The following IFT140 variants were observed in gnomAD, a reference collection of about 807,000 sequenced individuals.
IFT140 encodes the protein intraflagellar transport 140, also known as intraflagellar transport protein 140 homolog.
IFT140 carries 133 observed loss-of-function variants against 164.6 expected under a neutral mutation model. The ratio of observed to expected loss-of-function variants is 0.81; its 90% CI spans 0.70 to 0.93. The LOEUF (loss-of-function observed/expected upper bound fraction) is 0.93. IFT140 is among the 40% of genes least tolerant of loss of function. IFT140 has a pLI of 0.00. For synonymous variants in IFT140, 860 were observed against 817.3 expected (o/e 1.05, Z -0.89); for missense variants, 2,045 against 1,972.3 (o/e 1.04, Z -0.70).
At chr16:1,578,578 T>TAA (rs36091619) in intron 13 of IFT140, among the ~76,000 whole-genome samples, 3 of 138,952 alleles carry the variant, frequency 2.2e-5, no homozygotes, top group African/African-American at 2.7e-5. Flanking sequence ...TCCTGTCCCT[T>TAA]AAAAAAAAAA....
chr16:1,529,645 A>G (rs569182998), intron 19 of IFT140, among the ~76,000 whole-genome samples: 2 of 152,366 alleles, frequency 1.3e-5, no homozygotes, highest in Middle Eastern at 3.4e-3. Flanking sequence ...AGCTCCAGGC[A>G]GGAAGTCACA....
At chr16:1,543,152 G>A (rs1367563292) in intron 19 of IFT140, among the ~76,000 whole-genome samples, 2 of 152,214 alleles carry the variant, frequency 1.3e-5, no homozygotes, top group East Asian at 1.9e-4. Context: ...CGAGCATGTC[G>A]GCCCATGGCT....
chr16:1,574,529 C>T (rs1340998149), intron 13 of IFT140, among the ~76,000 whole-genome samples: 1 of 152,208 alleles, frequency 6.6e-6, no homozygotes, highest in African/African-American at 2.4e-5. Flanking sequence ...AATCCTCCCA[C>T]CTGGGCCTCC....
At chr16:1,573,550 C>T (rs1260019393) in intron 13 of IFT140, among the ~76,000 whole-genome samples, 1 of 152,168 alleles carries the variant, frequency 6.6e-6, no homozygotes, top group African/African-American at 2.4e-5. Context: ...TCCTGCCCTG[C>T]CCCCTATGCC....
chr16:1,541,759 G>T (rs553062213), intron 19 of IFT140, among the ~76,000 whole-genome samples: 2 of 152,318 alleles, frequency 1.3e-5, no homozygotes, highest in East Asian at 3.9e-4. Flanking sequence ...GGCAGGTGAG[G>T]GGGAGGGCGT....
At chr16:1,607,002 A>G (rs2036105538) in intron 3 of IFT140, 118 bp downstream of exon 3, 1 of 957,672 alleles carries the variant, frequency 1.0e-6, no homozygotes, top group African/African-American at 1.6e-5. Flanking sequence ...AGATGCATGT[A>G]TACACACACA....
At chr16:1,585,831 C>T (rs1447081106) in intron 10 of IFT140, among the ~76,000 whole-genome samples, 2 of 141,806 alleles carry the variant, frequency 1.4e-5, no homozygotes, top group Non-Finnish European at 3.0e-5. Flanking sequence ...AGTGCAGTGG[C>T]ACAATCTCGG....
intron 26 of IFT140, 142 bp from the exon 27 acceptor site, chr16:1,520,950 C>T: frequency 1.5e-6 from 1 of 661,000 alleles, no homozygotes; most frequent in Non-Finnish European, 2.6e-6. Context: ...ATGGAGGGGA[C>T]AAGGATGTCT....
At chr16:1,523,392 C>T in intron 26 of IFT140, 126 bp downstream of exon 26, 2 of 979,026 alleles carry the variant, frequency 2.0e-6, no homozygotes, top group Non-Finnish European at 3.0e-6. Flanking sequence ...GGGCAGGGGG[C>T]ACCCACCGCA....
At chr16:1,529,167 C>T (rs1050507290) in intron 19 of IFT140, among the ~76,000 whole-genome samples, 8 of 152,188 alleles carry the variant, frequency 5.3e-5, no homozygotes, top group East Asian at 1.9e-4. Context: ...ATTCCACGGA[C>T]GCATTCCACC....
At chr16:1,526,442 C>T in intron 20 of IFT140, 177 bp downstream of exon 20, 1 of 727,716 alleles carries the variant, frequency 1.4e-6, no homozygotes, top group East Asian at 2.8e-5. Context: ...GTCGCCTAGC[C>T]TCCACCCACC....
At chr16:1,593,811 C>G (rs1221222641) in intron 4 of IFT140, among the ~76,000 whole-genome samples, 4 of 152,126 alleles carry the variant, frequency 2.6e-5, no homozygotes, top group Admixed American at 2.6e-4. Context: ...CTTGTGGGGT[C>G]TCTCCACTGT....
chr16:1,552,293 G>A lies in IFT140; in HGVS notation c.2399+5642C>T, dbSNP rs561886651. 2.6e-5 allele frequency among the ~76,000 whole-genome samples: 4 copies of A among 152,134 alleles called. No homozygotes were observed. The South Asian group carries it at 6.2e-4, about 24-fold the overall frequency. On this transcript the variant is annotated intron_variant, in intron 19 of 30. Transcript: ENST00000426508. ...CAGGGCTTGCATCGCCCCCCTGCTG[G>A]GCTGGGACTCTCCCCAAGGCTCCCA...
At chr16:1,559,527 A>T (rs974885928) in intron 18 of IFT140, among the ~76,000 whole-genome samples, 18 of 152,282 alleles carry the variant, frequency 1.2e-4, no homozygotes, top group African/African-American at 4.3e-4. Context: ...CAGACAAAAG[A>T]CGTCATGGCT....
At chr16:1,534,626 C>T (rs953405013) in intron 19 of IFT140, 18 of 1,587,948 alleles carry the variant, frequency 1.1e-5, no homozygotes, top group Admixed American at 3.3e-5. Context: ...ATGTTAGGCG[C>T]GGACCTGGTG....
At position 1,523,865 on chromosome 16, in the gene IFT140, C is replaced by G; in HGVS notation, c.3233G>C (p.Gly1078Ala). The G allele has an allele frequency of 6.2e-7, 1 of 1,613,550 alleles. No individual in the cohort carries two copies. Among genetic ancestry groups the G allele is most frequent in the Non-Finnish European group, 8.5e-7 (1 of 1,180,022 alleles). ...IEAARYYEEKGVQMDRAVMLY... is the reference protein window; with the variant it reads ...IEAARYYEEKAVQMDRAVMLY... ...CATGACCGCCCTGTCCATCTGCACG[C>G]CCTTCTCCTCGTAGTATCGGGCCGC... Residue 1078 changes from glycine (G) to alanine (A), a missense_variant, in exon 25 of 31, where the codon GGC (glycine) becomes GCC (alanine). Gly to Ala is a moderately conservative substitution (Grantham distance 60). Coordinates refer to ENST00000426508, the MANE Select transcript of IFT140 (RefSeq NM_014714.4).
chr16:1,516,139 C>CAAAAAAAAAAAAAAAAAA (rs869165237), intron 30 of IFT140, among the ~76,000 whole-genome samples: 6 of 45,988 alleles, frequency 1.3e-4, no homozygotes, highest in Admixed American at 3.3e-4. Context: ...AACTCTGTCT[C>CAAAAAAAAAAAAAAAAAA]AAAAAAAAAA....
At chr16:1,584,867 T>G (rs1026088133) in intron 10 of IFT140, among the ~76,000 whole-genome samples, 1 of 152,106 alleles carries the variant, frequency 6.6e-6, no homozygotes, top group African/African-American at 2.4e-5. Flanking sequence ...TAAAAATAAA[T>G]AAAGACCTAT....
At chr16:1,511,888 G>A (rs1280923615) in intron 30 of IFT140, among the ~76,000 whole-genome samples, 1 of 151,828 alleles carries the variant, frequency 6.6e-6, no homozygotes, top group Non-Finnish European at 1.5e-5. Flanking sequence ...GGGGAGCCAG[G>A]TCAGGCCGAG....
Sources: allele counts gnomAD v4.1 joint callset (sites outside exome capture counted in the v4.1 genomes callset), GRCh38; gene constraint gnomAD v4.1.1; transcripts MANE v1.5; gene names NCBI Gene and HGNC (gene_info 2026-07-23, HGNC 2026-07-21).